Variants in ERGIC2 observed in about 807,000 individuals in gnomAD.
ERGIC2 encodes the protein endoplasmic reticulum-Golgi intermediate compartment protein 2.
ERGIC2 carries 31 observed loss-of-function variants against 52.5 expected under a neutral mutation model. The observed-to-expected ratio is 0.59, with a 90% confidence interval of 0.44 to 0.80. ERGIC2 has a LOEUF of 0.80. ERGIC2 is among the 30% of genes least tolerant of loss of function. The pLI is 0.00. For synonymous variants in ERGIC2, 129 were observed against 140.6 expected, an observed-to-expected ratio of 0.92 and a Z score of 0.58; for missense variants, 395 against 455.2, an observed-to-expected ratio of 0.87 and a Z score of 1.20.
intron 7 of ERGIC2, among the ~76,000 whole-genome samples, chr12:29,357,352 A>C (rs942920200): frequency 1.3e-5 from 2 of 152,216 alleles, no homozygotes; most frequent in Non-Finnish European, 2.9e-5. Context: ...ATAGTAAATG[A>C]AACTAATTTT....
At chr12:29,373,179 A>G (rs1166901433) in intron 1 of ERGIC2, among the ~76,000 whole-genome samples, 1 of 152,156 alleles carries the variant, frequency 6.6e-6, no homozygotes, top group Non-Finnish European at 1.5e-5. Context: ...TTCCCATGTT[A>G]TCTATTTTTA....
At position 29,356,415 on chromosome 12, in the gene ERGIC2, TTATTGACATATAGA is replaced by T. The variant is rs1940205676; in HGVS notation, c.525_538del (p.His175GlnfsTer30). 1 of 1,600,508 alleles carries T rather than the reference TTATTGACATATAGA, an allele frequency of 6.2e-7. No homozygotes were observed. The highest frequency in any genetic ancestry group is 2.2e-5 in the East Asian group (1 of 44,812). On this transcript the variant is annotated frameshift_variant, in exon 8 of 14. Transcript: ENST00000360150. LOFTEE classifies it high-confidence loss of function. The stretch of plus-strand genomic sequence containing the variant: ...TGTTATGTGAAAATTCCCTGCTACT[TTATTGACATATAGA>T]TGGCCATGAATTCTGCATGCATTTG...
chr12:29,353,228 G>A (rs1345603300), intron 8 of ERGIC2, among the ~76,000 whole-genome samples: 1 of 152,136 alleles, frequency 6.6e-6, no homozygotes, highest in Admixed American at 6.5e-5. Flanking sequence ...TGGAATGATT[G>A]GTAGTTTGGT....
intron 6 of ERGIC2, among the ~76,000 whole-genome samples, chr12:29,357,927 T>A (rs115066422): frequency 2.0e-5 from 3 of 152,212 alleles, no homozygotes; most frequent in Non-Finnish European, 4.4e-5. Flanking sequence ...GTCTAATAGC[T>A]GAGCTCCATA....
intron 8 of ERGIC2, among the ~76,000 whole-genome samples, chr12:29,352,887 T>TA (rs985882666): frequency 2.0e-5 from 3 of 151,956 alleles, no homozygotes; most frequent in Non-Finnish European, 2.9e-5. Flanking sequence ...TGTTCCTGGT[T>TA]AAAAAAAATT....
At chr12:29,369,414 A>G (rs1460561245) in intron 3 of ERGIC2, among the ~76,000 whole-genome samples, 2 of 151,988 alleles carry the variant, frequency 1.3e-5, no homozygotes, top group Non-Finnish European at 2.9e-5. Flanking sequence ...AATGTTGACT[A>G]ATTTAATTCT....
chr12:29,358,701 A>C (rs1465482352), intron 6 of ERGIC2, among the ~76,000 whole-genome samples: 2 of 152,126 alleles, frequency 1.3e-5, no homozygotes, highest in Non-Finnish European at 2.9e-5. Flanking sequence ...ACATACATGT[A>C]ACTTGGAAAA....
chr12:29,372,871 G>A (rs1168161080), intron 1 of ERGIC2: 1 of 151,652 alleles, frequency 6.6e-6, no homozygotes, highest in East Asian at 1.9e-4. Context: ...GCCCAGGCTG[G>A]GTCTCAAACT....
chr12:29,341,148 G>T lies in ERGIC2; in HGVS notation c.*8C>A, dbSNP rs529996666. The stretch of plus-strand genomic sequence containing the variant: ...GGCAAAAAGTTTTTCTCCTTCAATC[G>T]GGAGGTGTTAATGTGTATTATTTTC... On this transcript the variant is annotated 3_prime_UTR_variant, in exon 14 of 14. Coordinates refer to ENST00000360150, the MANE Select transcript of ERGIC2 (RefSeq NM_016570.3). 1.3e-6 allele frequency: 2 copies of T among 1,599,892 alleles called. No individual in the cohort carries two copies. Among genetic ancestry groups the T allele is most frequent in the South Asian group, 2.2e-5 (2 of 89,456 alleles).
At chr12:29,375,194 C>CA (rs926132075) in intron 1 of ERGIC2, among the ~76,000 whole-genome samples, 81 of 152,184 alleles carry the variant, frequency 5.3e-4, no homozygotes, top group African/African-American at 1.9e-3. Flanking sequence ...GCAGGGGGAA[C>CA]AAAAAAACTT....
intron 8 of ERGIC2, among the ~76,000 whole-genome samples, chr12:29,355,395 T>C (rs535533471): frequency 1.3e-5 from 2 of 152,328 alleles, no homozygotes; most frequent in African/African-American, 4.8e-5. Flanking sequence ...TTTATTTTTT[T>C]CTTCACTGTT....
chr12:29,379,310 T>C (rs1940555307), intron 1 of ERGIC2, among the ~76,000 whole-genome samples: 1 of 152,140 alleles, frequency 6.6e-6, no homozygotes, highest in Non-Finnish European at 1.5e-5. Context: ...AATAAGGCAC[T>C]CAGAGGGTAG....
At chr12:29,356,263 T>A in intron 8 of ERGIC2, 119 bp downstream of exon 8, 1 of 601,940 alleles carries the variant, frequency 1.7e-6, no homozygotes, top group Non-Finnish European at 3.0e-6. Flanking sequence ...CCTCAGGTGA[T>A]CCACCCGCCT....
intron 4 of ERGIC2, among the ~76,000 whole-genome samples, chr12:29,367,493 AT>A (rs1168877775): frequency 6.6e-6 from 1 of 151,830 alleles, no homozygotes; most frequent in Non-Finnish European, 1.5e-5. Flanking sequence ...AAAATAAAGT[AT>A]TTTTTTATCT....
chr12:29,371,699 T>G (rs1172213324), intron 1 of ERGIC2, 29 bp from the exon 2 acceptor site: 1 of 1,045,252 alleles, frequency 9.6e-7, no homozygotes, highest in East Asian at 2.5e-5. Context: ...AATGAATAAA[T>G]GAATCCTTTA....
At position 29,341,110 on chromosome 12, in the gene ERGIC2, G is replaced by T. The variant is rs1308366594; in HGVS notation, c.*46C>A. The stretch of plus-strand genomic sequence containing the variant: ...CACAATATTTTATTATTAAAAAAAG[G>T]TTTTATGTCTCAGGCAAAAAGTTTT... On this transcript the variant is annotated 3_prime_UTR_variant, in exon 14 of 14. Transcript: ENST00000360150. 36 of 1,306,246 alleles carry T rather than the reference G, an allele frequency of 2.8e-5. No individual in the cohort carries two copies. Among genetic ancestry groups the T allele is most frequent in the Non-Finnish European group, 3.9e-5 (36 of 920,084 alleles). 80.9% of individuals were successfully genotyped at this position (1,306,246 alleles called of 1,614,324 possible). A position where few individuals can be genotyped will look rare whatever the true frequency, so the allele number is the denominator to read the frequency against.
At chr12:29,378,736 G>A (rs1565547657) in intron 1 of ERGIC2, among the ~76,000 whole-genome samples, 1 of 152,000 alleles carries the variant, frequency 6.6e-6, no homozygotes, top group East Asian at 1.9e-4. Flanking sequence ...GGTTTACTTG[G>A]AAGCCAAGGA....
At chr12:29,353,218 T>C (rs1030216598) in intron 8 of ERGIC2, among the ~76,000 whole-genome samples, 1 of 152,222 alleles carries the variant, frequency 6.6e-6, no homozygotes, top group African/African-American at 2.4e-5. Context: ...CCTGATGCAC[T>C]GGAATGATTG....
chr12:29,354,299 T>G (rs995056793), intron 8 of ERGIC2, among the ~76,000 whole-genome samples: 3 of 152,228 alleles, frequency 2.0e-5, no homozygotes, highest in Non-Finnish European at 4.4e-5. Flanking sequence ...TGTTTAATAT[T>G]ACAAAGAGGT....
Sources: allele counts gnomAD v4.1 joint callset (sites outside exome capture counted in the v4.1 genomes callset), GRCh38; gene constraint gnomAD v4.1.1; transcripts MANE v1.5; gene names NCBI Gene and HGNC (gene_info 2026-07-23, HGNC 2026-07-21).